CATSPERE: variants seen among roughly 807,000 people sequenced by gnomAD.
CATSPERE encodes cation channel sperm-associated auxiliary subunit epsilon.
Under a neutral mutation model 114.1 loss-of-function variants are expected in CATSPERE, and 93 were observed. The observed-to-expected ratio is 0.81, with a 90% CI of 0.69 to 0.97. The LOEUF is 0.97. Ranked by LOEUF, CATSPERE falls within the 50% of genes least tolerant of loss-of-function variation. The pLI is 0.00. For missense variants in CATSPERE, 1,058 were observed against 1,131.6 expected, an observed-to-expected ratio of 0.93 and a Z score of 0.93; for synonymous variants, 341 against 384.1, an observed-to-expected ratio of 0.89 and a Z score of 1.31.
intron 8 of CATSPERE, among the ~76,000 whole-genome samples, chr1:244,526,164 T>C (rs1678559691): frequency 6.6e-6 from 1 of 152,140 alleles, no homozygotes; most frequent in Admixed American, 6.5e-5. Context: ...AATCCCAGCA[T>C]TGGGAGGCTG....
At chr1:244,598,584 C>A (rs1668755426) in intron 17 of CATSPERE, 2 of 351,812 alleles carry the variant, frequency 5.7e-6, no homozygotes, top group Non-Finnish European at 1.2e-5. Context: ...CCCACAGAGA[C>A]CATGGAGATT....
Position 244,639,914 on chromosome 1 carries a change from T to C in CATSPERE, c.2703-14T>C. 1.3e-6 allele frequency: 2 copies of C among 1,527,786 alleles called. No individual in the cohort carries two copies. Among genetic ancestry groups the C allele is most frequent in the Non-Finnish European group, 1.8e-6 (2 of 1,141,622 alleles). The allele number at this position is 1,527,786 out of a possible 1,614,324, so 94.6% of individuals were successfully genotyped here. A position where few individuals can be genotyped will look rare whatever the true frequency, so the allele number is the denominator to read the frequency against. On this transcript the variant is annotated splice_polypyrimidine_tract_variant and intron_variant, in intron 21 of 21. Coordinates refer to ENST00000366534, the MANE Select transcript of CATSPERE (RefSeq NM_001130957.2). ...ATGACTTCTAATGCCTTTTTTTTTT[T>C]TTTCTGATTTCAGTCCAAGTGTCTA...
intron 8 of CATSPERE, among the ~76,000 whole-genome samples, chr1:244,526,145 C>G (rs904992081): frequency 2.6e-5 from 4 of 152,206 alleles, no homozygotes; most frequent in Non-Finnish European, 4.4e-5. Flanking sequence ...TGTGGTGACA[C>G]ATGCCTGTAA....
rs1558387839 is a variant in CATSPERE at position 244,504,222 on chromosome 1, C to T, written c.429+5143C>T. On this transcript the variant is annotated intron_variant, in intron 7 of 21. Transcript: ENST00000366534. The surrounding 1 kb of genome is among the most constrained non-coding windows in gnomAD (Gnocchi z 4.1). ...TGGCAATACCATGTTCCTTTTATTT[C>T]ATATCTAAGCATTTTGAAAGAGTTT... is the stretch of plus-strand genomic sequence containing the variant. Among the ~76,000 whole-genome samples, 2 of 152,140 alleles carry T rather than the reference C, an allele frequency of 1.3e-5. No homozygotes were observed. Among genetic ancestry groups the T allele is most frequent in the East Asian group, 1.9e-4 (1 of 5,192 alleles).
intron 6 of CATSPERE, among the ~76,000 whole-genome samples, chr1:244,496,757 A>C (rs903048585): frequency 6.6e-6 from 1 of 152,208 alleles, no homozygotes. Flanking sequence ...TGGATTAAAC[A>C]AAAACAGTGT....
intron 5 of CATSPERE, among the ~76,000 whole-genome samples, chr1:244,481,435 G>A (rs1210010435): frequency 6.6e-6 from 1 of 152,104 alleles, no homozygotes; most frequent in African/African-American, 2.4e-5. Flanking sequence ...TTGGCAGCAA[G>A]AGCAAAACTC....
At chr1:244,521,938 T>C (rs940407745) in intron 8 of CATSPERE, among the ~76,000 whole-genome samples, 2 of 151,936 alleles carry the variant, frequency 1.3e-5, no homozygotes, top group African/African-American at 4.8e-5. Flanking sequence ...AGACAGAAAG[T>C]CAACAAGGAT....
chr1:244,562,554 T>A (rs1662739177), intron 10 of CATSPERE, among the ~76,000 whole-genome samples: 1 of 152,278 alleles, frequency 6.6e-6, no homozygotes, highest in South Asian at 2.1e-4. Flanking sequence ...CCCCCAAAAG[T>A]ATTGAAAATG....
At chr1:244,531,536 T>C (rs2148420499) in intron 8 of CATSPERE, among the ~76,000 whole-genome samples, 1 of 152,012 alleles carries the variant, frequency 6.6e-6, no homozygotes, top group South Asian at 2.1e-4. Flanking sequence ...TTTTTTGTCA[T>C]GAAGTGATGT....
chr1:244,610,195 A>G (rs371332530), intron 18 of CATSPERE, 45 bp from the exon 19 acceptor site: 87 of 1,271,086 alleles, frequency 6.8e-5, no homozygotes, highest in Non-Finnish European at 7.2e-5. Context: ...ATAAGTTGAT[A>G]TGAAAACTTC....
chr1:244,494,087 C>T (rs953610669), intron 6 of CATSPERE, among the ~76,000 whole-genome samples: 4 of 152,088 alleles, frequency 2.6e-5, no homozygotes, highest in Admixed American at 6.5e-5. Flanking sequence ...TTTGACCCAG[C>T]CATCCCATTA....
At chr1:244,474,176 C>T (rs372348986) in intron 2 of CATSPERE, among the ~76,000 whole-genome samples, 8 of 151,900 alleles carry the variant, frequency 5.3e-5, no homozygotes, top group African/African-American at 1.7e-4. Flanking sequence ...GGATTACAGG[C>T]GCCCACCACC....
chr1:244,495,839 G>T (rs1672995614), intron 6 of CATSPERE, among the ~76,000 whole-genome samples: 1 of 152,156 alleles, frequency 6.6e-6, no homozygotes, highest in African/African-American at 2.4e-5. Flanking sequence ...TCTTTTTGGG[G>T]CTGTAAACAG....
At chr1:244,516,618 T>TATTAGAGGA (rs1240011564) in intron 7 of CATSPERE, among the ~76,000 whole-genome samples, 1 of 150,588 alleles carries the variant, frequency 6.6e-6, no homozygotes, top group African/African-American at 2.5e-5. Context: ...ACCTCCTGAG[T>TATTAGAGGA]TCAAGTGATT....
chr1:244,455,247 G>A (rs1260910750), intron 1 of CATSPERE, among the ~76,000 whole-genome samples: 1 of 151,968 alleles, frequency 6.6e-6, no homozygotes. Context: ...ATTTATTGAG[G>A]TTCCCGCGTC....
rs10524749 is a variant in CATSPERE at position 244,489,450 on chromosome 1, A to ATTTTTTT, written c.327-972_327-966dup. Among the ~76,000 whole-genome samples the ATTTTTTT allele has an allele frequency of 7.6e-4, 65 of 85,560 alleles. 9 individuals are homozygous for ATTTTTTT. The highest frequency in any genetic ancestry group is 2.6e-3 in the African/African-American group (57 of 22,118). The allele number at this position is 85,560 out of a possible 152,430, so 56.1% of individuals were successfully genotyped here. ...CTTGCAGTATTAAGGAAGCATGCAG[A>ATTTTTTT]TTTTTTTTTTTTTTTTTTTTTTTTT... is the stretch of plus-strand genomic sequence containing the variant. On this transcript the variant is annotated intron_variant, in intron 5 of 21. Coordinates refer to ENST00000366534, the MANE Select transcript of CATSPERE (RefSeq NM_001130957.2).
At chr1:244,544,608 T>C (rs894310166) in intron 8 of CATSPERE, among the ~76,000 whole-genome samples, 3 of 152,082 alleles carry the variant, frequency 2.0e-5, no homozygotes, top group African/African-American at 7.2e-5. Context: ...AAATAGTAAA[T>C]CAAAAGCAGT....
intron 8 of CATSPERE, among the ~76,000 whole-genome samples, chr1:244,545,041 A>G (rs1659500829): frequency 1.3e-5 from 2 of 152,198 alleles, no homozygotes; most frequent in Admixed American, 1.3e-4. Flanking sequence ...TCCCTTTCAT[A>G]AGATATCACA....
chr1:244,591,141 T>C (rs1667672220), intron 14 of CATSPERE, among the ~76,000 whole-genome samples: 1 of 151,724 alleles, frequency 6.6e-6, no homozygotes, highest in African/African-American at 2.4e-5. Flanking sequence ...TTTGTTCTGA[T>C]TTGACAGATA....
Sources: gnomAD v4.1 joint callset for allele counts (sites outside exome capture counted in the v4.1 genomes callset) on GRCh38, gnomAD v4.1.1 for gene constraint, Gnocchi (gnomAD v3.1) non-coding constraint, MANE v1.5 for transcripts, NCBI Gene and HGNC (gene_info 2026-07-23, HGNC 2026-07-21) for gene names.